ETNK1: variants seen among roughly 807,000 people sequenced by gnomAD.
ETNK1 encodes the protein ethanolamine kinase 1, also known as putative protein product of Nbla10396.
Under a neutral mutation model 45.1 loss-of-function variants are expected in ETNK1, and 8 were observed. That is an observed-to-expected ratio of 0.18 (90% CI 0.10 to 0.32). ETNK1 has a LOEUF of 0.32. Among genes scored for constraint, ETNK1 ranks in the 10% least tolerant of loss-of-function variants. The probability of loss-of-function intolerance (pLI) is 1.00; values close to 1 mark genes in which losing one functional copy is unlikely to be tolerated. For missense variants in ETNK1, 302 were observed against 430.6 expected (o/e 0.70, Z 2.64); for synonymous variants, 152 against 151.9 (o/e 1.00, Z -0.01).
chr12:22,667,631 A>G (rs1013730021), intron 4 of ETNK1, among the ~76,000 whole-genome samples: 3 of 152,212 alleles, frequency 2.0e-5, no homozygotes, highest in African/African-American at 7.2e-5. Flanking sequence ...TAACATTAGT[A>G]GGATTATAGT....
chr12:22,649,976 A>G (rs1471048457), intron 2 of ETNK1, among the ~76,000 whole-genome samples: 1 of 152,024 alleles, frequency 6.6e-6, no homozygotes, highest in African/African-American at 2.4e-5. Flanking sequence ...GGTTTCTTTT[A>G]TCAGAGTTTT....
At chr12:22,628,311 A>G (rs767525722) in intron 1 of ETNK1, among the ~76,000 whole-genome samples, 1 of 152,106 alleles carries the variant, frequency 6.6e-6, no homozygotes, top group Non-Finnish European at 1.5e-5. Flanking sequence ...TTTTGTTTGT[A>G]TATTATGATT....
At chr12:22,673,263 A>G (rs1954128364) in intron 5 of ETNK1, among the ~76,000 whole-genome samples, 1 of 152,308 alleles carries the variant, frequency 6.6e-6, no homozygotes, top group South Asian at 2.1e-4. Flanking sequence ...CTTTGAGGAA[A>G]AATTGAAGCT....
chr12:22,646,561 C>CTTTA lies in ETNK1; in HGVS notation c.416+2540_416+2543dup, dbSNP rs143984960. On this transcript the variant is annotated intron_variant, in intron 2 of 7. Transcript: ENST00000266517. ...TCACATTTTGATTAATCCTTATGAGCTTTAATGTTTGAATATAATAATAAA... is the reference window on the plus strand; with the variant it reads ...TCACATTTTGATTAATCCTTATGAGCTTTATTTAATGTTTGAATATAATAATAAA... Among the ~76,000 whole-genome samples, 844 of 151,854 alleles carry CTTTA rather than the reference C, an allele frequency of 5.6e-3. 7 individuals are homozygous for CTTTA. The highest frequency in any genetic ancestry group is 0.019 in the African/African-American group (802 of 41,526).
rs373592435 is a variant in ETNK1 at position 22,655,323 on chromosome 12, T to G, written c.417-3691T>G. Among the ~76,000 whole-genome samples, 7 of 68,214 alleles carry G rather than the reference T, an allele frequency of 1.0e-4. No homozygotes were observed. The Admixed American group carries it at 1.7e-3, about 16-fold the overall frequency. The allele number at this position is 68,214 out of a possible 152,430, so 44.8% of individuals were successfully genotyped here. On this transcript the variant is annotated intron_variant, in intron 2 of 7. Transcript: ENST00000266517. ...GTTAGTCTATAGGATATTTGGGGTT[T>G]GTTTGTTTTTTTTTTTTTTTTTTTT...
Position 22,630,600 on chromosome 12 carries a change from G to GTATTT in ETNK1, c.156+5036_156+5040dup, listed in dbSNP as rs570903990. On this transcript the variant is annotated intron_variant, in intron 1 of 7. Coordinates refer to ENST00000266517, the MANE Select transcript of ETNK1 (RefSeq NM_018638.5). ...GAAGCCACTGGATATTTTTCTTTTTGTATTTTATTTTATTTTATTTTATTT... is the reference window on the plus strand; with the variant it reads ...GAAGCCACTGGATATTTTTCTTTTTGTATTTTATTTTATTTTATTTTATTTTATTT... Among the ~76,000 whole-genome samples, 702 of 152,050 alleles carry GTATTT rather than the reference G, an allele frequency of 4.6e-3. 6 individuals carry two copies. Among genetic ancestry groups the GTATTT allele is most frequent in the African/African-American group, 0.013 (522 of 41,472 alleles).
intron 2 of ETNK1, 54 bp from the exon 3 acceptor site, chr12:22,658,960 C>T: frequency 6.5e-7 from 1 of 1,550,118 alleles, no homozygotes; most frequent in Admixed American, 1.8e-5. Flanking sequence ...TGTCAGGAGA[C>T]ATGACCTTTA....
intron 1 of ETNK1, among the ~76,000 whole-genome samples, chr12:22,636,554 T>C (rs1953657554): frequency 6.6e-6 from 1 of 152,234 alleles, no homozygotes. Context: ...TTTTATTTGA[T>C]ATGAGATAGC....
chr12:22,668,384 C>G (rs1288535207), intron 4 of ETNK1, among the ~76,000 whole-genome samples: 1 of 152,094 alleles, frequency 6.6e-6, no homozygotes, highest in Non-Finnish European at 1.5e-5. Context: ...AAAGCATTTT[C>G]CAGTAATTTG....
chr12:22,667,369 T>C (rs1954064278), intron 4 of ETNK1, among the ~76,000 whole-genome samples: 1 of 152,182 alleles, frequency 6.6e-6, no homozygotes, highest in Non-Finnish European at 1.5e-5. Context: ...CATTTAAATA[T>C]TTCCTGTGTC....
intron 1 of ETNK1, among the ~76,000 whole-genome samples, chr12:22,639,932 T>C (rs1323687037): frequency 6.6e-6 from 1 of 152,232 alleles, no homozygotes; most frequent in Non-Finnish European, 1.5e-5. Context: ...GGTAGATAAC[T>C]TTCTCTCATT....
At chr12:22,681,170 T>C (rs1392541618) in intron 6 of ETNK1, among the ~76,000 whole-genome samples, 1 of 151,176 alleles carries the variant, frequency 6.6e-6, no homozygotes, top group African/African-American at 2.4e-5. Flanking sequence ...AATCTACTGT[T>C]ATATATTAAT....
chr12:22,647,740 T>G (rs928715669), intron 2 of ETNK1, among the ~76,000 whole-genome samples: 8 of 151,964 alleles, frequency 5.3e-5, no homozygotes, highest in African/African-American at 1.9e-4. Context: ...TTTTTGTTAT[T>G]GTTAGAATAC....
At chr12:22,650,761 G>GT (rs1319985400) in intron 2 of ETNK1, among the ~76,000 whole-genome samples, 1 of 151,932 alleles carries the variant, frequency 6.6e-6, no homozygotes, top group Non-Finnish European at 1.5e-5. Flanking sequence ...ATATAAAAAT[G>GT]TAGCATTTTC....
intron 1 of ETNK1, among the ~76,000 whole-genome samples, chr12:22,629,229 A>G (rs1203985065): frequency 1.3e-5 from 2 of 152,310 alleles, no homozygotes; most frequent in African/African-American, 4.8e-5. Flanking sequence ...TAAGAAAATT[A>G]TAACAACGTA....
At chr12:22,644,157 T>A in intron 2 of ETNK1, 135 bp downstream of exon 2, 1 of 1,524,234 alleles carries the variant, frequency 6.6e-7, no homozygotes, top group South Asian at 1.3e-5. Context: ...AGGGTTTTTG[T>A]TTTTGTTCTT....
intron 2 of ETNK1, among the ~76,000 whole-genome samples, chr12:22,648,080 A>G (rs758224933): frequency 2.0e-5 from 3 of 151,878 alleles, no homozygotes; most frequent in Non-Finnish European, 2.9e-5. Context: ...TTTTTAGTGC[A>G]TTTTTGATTC....
chr12:22,671,461 G>C, intron 5 of ETNK1, 106 bp downstream of exon 5: 1 of 785,736 alleles, frequency 1.3e-6, no homozygotes, highest in East Asian at 2.5e-5. Flanking sequence ...ATTTTCCCAC[G>C]TGTTGTTGAC....
chr12:22,656,768 TA>T, intron 2 of ETNK1: 1 of 980,470 alleles, frequency 1.0e-6, no homozygotes, highest in Non-Finnish European at 1.2e-6. Context: ...GAAATGATAT[TA>T]TTTTTCATTT....
Sources: allele counts gnomAD v4.1 joint callset (sites outside exome capture counted in the v4.1 genomes callset), GRCh38; gene constraint gnomAD v4.1.1; transcripts MANE v1.5; gene names NCBI Gene and HGNC (gene_info 2026-07-23, HGNC 2026-07-21).